CLIC5: variants seen among roughly 807,000 people sequenced by gnomAD.
The protein encoded by CLIC5 is chloride intracellular channel protein 5.
A neutral mutation model predicts 24.7 loss-of-function variants in CLIC5; 20 were observed. The ratio of observed to expected loss-of-function variants is 0.81; its 90% confidence interval spans 0.57 to 1.18. The LOEUF (loss-of-function observed/expected upper bound fraction) is 1.18. Among genes scored for constraint, CLIC5 ranks in the 50% most tolerant of loss-of-function variants. The pLI is 0.00. For synonymous variants in CLIC5, 159 were observed against 135.6 expected (o/e 1.17, Z -1.20); for missense variants, 341 against 326.1 (o/e 1.05, Z -0.35).
chr6:45,939,487 G>T (rs1007022403), intron 4 of CLIC5, among the ~76,000 whole-genome samples: 14 of 151,940 alleles, frequency 9.2e-5, no homozygotes, highest in Non-Finnish European at 1.5e-5. Context: ...CACCACACCT[G>T]GCCCCTCTCC....
chr6:45,983,024 C>A (rs1191909816), intron 1 of CLIC5, among the ~76,000 whole-genome samples: 2 of 152,136 alleles, frequency 1.3e-5, no homozygotes, highest in Non-Finnish European at 2.9e-5. Flanking sequence ...CTTTTATGAG[C>A]TGCACAGGGA....
At chr6:45,914,603 A>G (rs1762949957) in intron 4 of CLIC5, 194 bp from the exon 5 acceptor site, 1 of 1,093,072 alleles carries the variant, frequency 9.1e-7, no homozygotes. Flanking sequence ...GAAAAGGCAA[A>G]CTCTAACCAA....
rs372667742 is a variant in CLIC5, at chr6:45,945,460, C to T, written c.299+3796G>A. On this transcript the variant is annotated intron_variant, in intron 3 of 5. Coordinates refer to ENST00000339561, the MANE Select transcript of CLIC5 (RefSeq NM_016929.5). ...GTCACCATGACATTTTTTTTGCAGG[C>T]CTGGCCCTGCAAAACACTTTGGGAG... 1.7e-3 allele frequency among the ~76,000 whole-genome samples: 262 copies of T among 151,992 alleles called. 9 individuals carry two copies. In the South Asian group the frequency reaches 0.052, roughly 30 times the overall value.
intron 1 of CLIC5, among the ~76,000 whole-genome samples, chr6:45,969,106 A>C (rs996932036): frequency 6.6e-6 from 1 of 152,232 alleles, no homozygotes; most frequent in Non-Finnish European, 1.5e-5. Flanking sequence ...GGCTGAGTAG[A>C]GACTCCACAA....
At chr6:46,043,123 C>A (rs1767856614) in intron 1 of CLIC5, among the ~76,000 whole-genome samples, 1 of 152,086 alleles carries the variant, frequency 6.6e-6, no homozygotes, top group South Asian at 2.1e-4. Flanking sequence ...TCATTAGCAC[C>A]AACAGAGTTG....
intron 5 of CLIC5, chr6:45,912,801 G>C: frequency 8.6e-7 from 1 of 1,161,826 alleles, no homozygotes; most frequent in Middle Eastern, 1.9e-4. Flanking sequence ...ACTTCAAAGA[G>C]ACATAGATTG....
intron 1 of CLIC5, among the ~76,000 whole-genome samples, chr6:46,010,996 T>C (rs1206776704): frequency 6.6e-6 from 1 of 152,162 alleles, no homozygotes; most frequent in Non-Finnish European, 1.5e-5. Flanking sequence ...TCCTATCTGT[T>C]CTGGAAGTCA....
At chr6:45,889,636 G>T (rs947683927) in intron 6 of CLIC5, among the ~76,000 whole-genome samples, 9 of 152,198 alleles carry the variant, frequency 5.9e-5, no homozygotes, top group African/African-American at 1.9e-4. Flanking sequence ...GAAGTATGAT[G>T]ATCAGGGACA....
At chr6:46,005,998 A>ATT (rs1554160596) in intron 1 of CLIC5, among the ~76,000 whole-genome samples, 3,718 of 115,560 alleles carry the variant, frequency 0.032, 202 homozygotes, top group African/African-American at 0.12. Flanking sequence ...ATATATATAT[A>ATT]TTTATATATA....
intron 1 of CLIC5, among the ~76,000 whole-genome samples, chr6:45,980,686 G>A (rs548516039): frequency 2.6e-4 from 39 of 151,330 alleles, no homozygotes; most frequent in Non-Finnish European, 4.6e-4. Context: ...AAAATGTATC[G>A]GTTGTATAAT....
At chr6:46,045,518 C>G (rs1475970448) in intron 1 of CLIC5, among the ~76,000 whole-genome samples, 1 of 152,118 alleles carries the variant, frequency 6.6e-6, no homozygotes. Context: ...ATGCTGGTTG[C>G]CAAGAAACCA....
chr6:46,119,397 T>C, the CLIC5 span, among the ~76,000 whole-genome samples: 1 of 152,200 alleles, frequency 6.6e-6, no homozygotes, highest in Non-Finnish European at 1.5e-5. Context: ...TCTTAGCCCT[T>C]ATTTAGATAC....
chr6:46,007,178 C>T (rs1219749825), intron 1 of CLIC5, among the ~76,000 whole-genome samples: 1 of 152,176 alleles, frequency 6.6e-6, no homozygotes, highest in African/African-American at 2.4e-5. Flanking sequence ...TCAGATTACA[C>T]CATTCCAAAT....
At chr6:46,103,466 G>A in the CLIC5 span, among the ~76,000 whole-genome samples, 1 of 152,134 alleles carries the variant, frequency 6.6e-6, no homozygotes, top group Non-Finnish European at 1.5e-5. Flanking sequence ...AGATTAATGA[G>A]AGTCTTACTA....
At chr6:46,003,157 G>A (rs908790625) in intron 1 of CLIC5, among the ~76,000 whole-genome samples, 47 of 152,168 alleles carry the variant, frequency 3.1e-4, no homozygotes, top group African/African-American at 1.0e-3. Context: ...AGGAATCAGC[G>A]AAACTAAGGT....
intron 3 of CLIC5, among the ~76,000 whole-genome samples, chr6:45,947,590 T>A (rs1421279824): frequency 6.6e-6 from 1 of 152,206 alleles, no homozygotes; most frequent in African/African-American, 2.4e-5. Flanking sequence ...GTGCCAGTGT[T>A]ACTTCTAAGA....
At chr6:46,108,045 A>C in the CLIC5 span, among the ~76,000 whole-genome samples, 1 of 150,856 alleles carries the variant, frequency 6.6e-6, no homozygotes, top group East Asian at 1.9e-4. Flanking sequence ...AAAAAAAAAA[A>C]AAAAAAAAAA....
At chr6:45,914,856 C>T (rs997024931) in intron 4 of CLIC5, among the ~76,000 whole-genome samples, 2 of 150,142 alleles carry the variant, frequency 1.3e-5, no homozygotes, top group Non-Finnish European at 3.0e-5. Flanking sequence ...GAGGCTGAGG[C>T]AAGAGAATCG....
intron 4 of CLIC5, among the ~76,000 whole-genome samples, chr6:45,927,365 G>T (rs1763541028): frequency 1.3e-5 from 2 of 152,084 alleles, no homozygotes; most frequent in South Asian, 2.1e-4. Context: ...CCTTGCCCCA[G>T]ATCCACTACC....
Sources: gnomAD v4.1 joint callset for allele counts (sites outside exome capture counted in the v4.1 genomes callset) on GRCh38, gnomAD v4.1.1 for gene constraint, MANE v1.5 for transcripts, NCBI Gene and HGNC (gene_info 2026-07-23, HGNC 2026-07-21) for gene names.